The following STK39 variants were observed in gnomAD, a reference collection of about 807,000 sequenced individuals.
The protein encoded by STK39 is STE20/SPS1-related proline-alanine-rich protein kinase.
In STK39, 20 loss-of-function variants were observed where a neutral mutation model predicts 77.8. The ratio of observed to expected loss-of-function variants is 0.26; its 90% CI spans 0.18 to 0.37. The LOEUF (loss-of-function observed/expected upper bound fraction) is 0.37. STK39 is among the 10% of genes least tolerant of loss of function. The pLI is 1.00. For missense variants in STK39, 479 were observed against 656.5 expected, an observed-to-expected ratio of 0.73 and a Z score of 2.95; for synonymous variants, 246 against 234.1, an observed-to-expected ratio of 1.05 and a Z score of -0.47.
intron 14 of STK39, among the ~76,000 whole-genome samples, chr2:168,041,615 C>T (rs1398568669): frequency 2.0e-5 from 3 of 152,114 alleles, no homozygotes; most frequent in African/African-American, 7.2e-5. Context: ...GATCTGTAAA[C>T]CTAAGAATTC....
chr2:167,990,410 T>C (rs552761542), intron 16 of STK39, among the ~76,000 whole-genome samples: 23 of 152,268 alleles, frequency 1.5e-4, no homozygotes, highest in African/African-American at 5.5e-4. Context: ...CAATTCTTCG[T>C]TTAGCAGAAG....
At chr2:168,221,284 T>C (rs1355901455) in intron 1 of STK39, among the ~76,000 whole-genome samples, 6 of 152,206 alleles carry the variant, frequency 3.9e-5, no homozygotes, top group Non-Finnish European at 2.9e-5. Context: ...AGTTTAAACA[T>C]TGATTGTCTC....
chr2:168,226,679 TC>T (rs1690315999), intron 1 of STK39, among the ~76,000 whole-genome samples: 2 of 135,194 alleles, frequency 1.5e-5, no homozygotes, highest in African/African-American at 5.5e-5. Context: ...TAGGTCTGGG[TC>T]AAATCGGGAA....
In STK39 at chr2:168,087,951, G is replaced by A. The variant is rs146847580; in HGVS notation, c.1090-12720C>T. ...AAGACACCTGAAATAAAGATCAGGGGTTAGCTACTGGTTAAACATCATTTA... is the reference window on the plus strand; with the variant it reads ...AAGACACCTGAAATAAAGATCAGGGATTAGCTACTGGTTAAACATCATTTA... On this transcript the variant is annotated intron_variant, in intron 10 of 17. Coordinates refer to ENST00000355999, the MANE Select transcript of STK39 (RefSeq NM_013233.3). Among the ~76,000 whole-genome samples, 13 of 152,174 alleles carry A rather than the reference G, an allele frequency of 8.5e-5. 1 individual carries two copies. Among genetic ancestry groups the A allele is most frequent in the Admixed American group, 8.5e-4 (13 of 15,286 alleles).
chr2:168,145,185 G>A (rs553640503), intron 5 of STK39, among the ~76,000 whole-genome samples: 2 of 152,078 alleles, frequency 1.3e-5, no homozygotes, highest in Non-Finnish European at 2.9e-5. Context: ...ACAAAGAAAC[G>A]GCATGAGCAA....
chr2:168,247,234 C>T lies in STK39; in HGVS notation c.202G>A (p.Val68Ile). The change falls in exon 1 of 18, where the codon GTT becomes ATT. Residue 68 changes from valine (V) to isoleucine (I), a missense_variant. This residue lies in a region of STK39 where 139 missense variants were observed against 280.6 expected (regional missense o/e 0.50). Coordinates refer to ENST00000355999, the MANE Select transcript of STK39 (RefSeq NM_013233.3). The part of the protein sequence containing the change: ...ICRDAYELQE[V>I]IGSGATAVVQ... Reference sequence around the variant, plus strand: ...CCGCGCCCGCCGCACTGACCGATAACCTCCTGCAGCTCGTACGCGTCCCTG... The same window carrying T: ...CCGCGCCCGCCGCACTGACCGATAATCTCCTGCAGCTCGTACGCGTCCCTG... 8.4e-7 allele frequency: 1 copy of T among 1,187,158 alleles called. No homozygotes were observed. The highest frequency in any genetic ancestry group is 1.0e-6 in the Non-Finnish European group (1 of 955,346). The allele number at this position is 1,187,158 out of a possible 1,614,324, so 73.5% of individuals were successfully genotyped here.
At chr2:168,014,345 C>T (rs1684353283) in intron 15 of STK39, among the ~76,000 whole-genome samples, 1 of 152,046 alleles carries the variant, frequency 6.6e-6, no homozygotes, top group Admixed American at 6.6e-5. Context: ...TTAGCTGGGC[C>T]TGGTGGCATG....
chr2:168,173,544 T>A (rs898154896), intron 2 of STK39, among the ~76,000 whole-genome samples: 4 of 121,960 alleles, frequency 3.3e-5, no homozygotes, highest in African/African-American at 1.6e-4. Flanking sequence ...TGAATTTTTT[T>A]ATTTATATTT....
intron 16 of STK39, among the ~76,000 whole-genome samples, chr2:168,005,834 C>A (rs576788316): frequency 6.6e-6 from 1 of 152,266 alleles, no homozygotes; most frequent in African/African-American, 2.4e-5. Flanking sequence ...GTCTTGCAGG[C>A]AGACAGGTTT....
At chr2:168,146,740 A>T (rs1688150461) in intron 5 of STK39, among the ~76,000 whole-genome samples, 1 of 152,216 alleles carries the variant, frequency 6.6e-6, no homozygotes, top group Non-Finnish European at 1.5e-5. Context: ...AAAAGTGACC[A>T]TGCAGGGATG....
At chr2:168,212,424 C>T (rs1689914309) in intron 1 of STK39, among the ~76,000 whole-genome samples, 1 of 152,186 alleles carries the variant, frequency 6.6e-6, no homozygotes. Flanking sequence ...TCTGACCCAC[C>T]TCTCCACATT....
chr2:168,099,750 A>G (rs1686771410), intron 10 of STK39, among the ~76,000 whole-genome samples: 1 of 152,222 alleles, frequency 6.6e-6, no homozygotes. Context: ...TCTTCATGTC[A>G]CAATAATTTG....
At chr2:167,986,788 C>G (rs1269759591) in intron 16 of STK39, among the ~76,000 whole-genome samples, 1 of 152,022 alleles carries the variant, frequency 6.6e-6, no homozygotes, top group African/African-American at 2.4e-5. Flanking sequence ...TGTTGGTTAC[C>G]TTAGGGAAGG....
intron 8 of STK39, among the ~76,000 whole-genome samples, chr2:168,136,085 T>C (rs926809205): frequency 2.7e-5 from 4 of 150,706 alleles, no homozygotes; most frequent in South Asian, 2.1e-4. Flanking sequence ...GAAATAAAAA[T>C]GGACCGGGTG....
Position 168,011,798 on chromosome 2 carries a change from G to T in STK39, c.1498+836C>A, listed in dbSNP as rs534329888. Among the ~76,000 whole-genome samples the T allele has an allele frequency of 2.0e-5, 3 of 152,242 alleles. No homozygotes were observed. The South Asian group carries it at 6.2e-4, about 32-fold the overall frequency. ...AGTGAAATTCTTCTGCCACAACCCA[G>T]CTGCATGGTTCTAGACACACCACTG... On this transcript the variant is annotated intron_variant, in intron 16 of 17. Coordinates refer to ENST00000355999, the MANE Select transcript of STK39 (RefSeq NM_013233.3).
At chr2:167,994,217 C>T (rs1032804290) in intron 16 of STK39, among the ~76,000 whole-genome samples, 4 of 152,128 alleles carry the variant, frequency 2.6e-5, no homozygotes, top group African/African-American at 9.7e-5. Flanking sequence ...GTTCTTAATA[C>T]AAAATTTATC....
intron 10 of STK39, among the ~76,000 whole-genome samples, chr2:168,121,421 G>A (rs921643314): frequency 5.9e-5 from 9 of 152,150 alleles, no homozygotes; most frequent in African/African-American, 2.2e-4. Flanking sequence ...ACACATACAC[G>A]CCCCTTCTCA....
intron 14 of STK39, among the ~76,000 whole-genome samples, chr2:168,022,739 A>G (rs1453133958): frequency 6.6e-6 from 1 of 152,226 alleles, no homozygotes; most frequent in Non-Finnish European, 1.5e-5. Flanking sequence ...GTTTTCTGAA[A>G]TGGTAAACTT....
At chr2:168,021,570 T>G (rs1684572749) in intron 14 of STK39, among the ~76,000 whole-genome samples, 1 of 152,168 alleles carries the variant, frequency 6.6e-6, no homozygotes. Flanking sequence ...AAGCTGAAAA[T>G]AGGTATGATT....
Sources: allele counts gnomAD v4.1 joint callset (sites outside exome capture counted in the v4.1 genomes callset), GRCh38; gene constraint gnomAD v4.1.1; regional missense constraint gnomAD v4.1.1; transcripts MANE v1.5; gene names NCBI Gene and HGNC (gene_info 2026-07-23, HGNC 2026-07-21).